The following FER1L5 variants were observed in gnomAD, a reference collection of about 807,000 sequenced individuals.
The protein encoded by FER1L5 is fer-1-like protein 5.
In FER1L5, 187 loss-of-function variants were observed where a neutral mutation model predicts 279.9. The ratio of observed to expected loss-of-function variants is 0.67; its 90% CI spans 0.59 to 0.75. The LOEUF is 0.75. FER1L5 is among the 30% of genes least tolerant of loss of function. FER1L5 has a pLI of 0.00. For synonymous variants in FER1L5, 921 were observed against 989.7 expected (o/e 0.93, Z 1.30); for missense variants, 2,091 against 2,594.4 (o/e 0.81, Z 4.21).
rs189118429 is a variant in FER1L5, at chr2:96,692,518, G to A, written c.3292+337G>A. ...CTGTGGAATTAGAAGTGGGAGCTGA[G>A]AGGGCTCCATCCCAGTGGTGGCCAC... On this transcript the variant is annotated intron_variant, in intron 31 of 52. Transcript: ENST00000624922. 2.6e-3 allele frequency among the ~76,000 whole-genome samples: 394 copies of A among 152,374 alleles called. 1 individual carries two copies. Among genetic ancestry groups the A allele is most frequent in the Non-Finnish European group, 3.4e-3 (234 of 68,044 alleles).
chr2:96,642,959 C>T, intron 1 of FER1L5, 38 bp downstream of exon 1: 3 of 1,517,822 alleles, frequency 2.0e-6, no homozygotes, highest in South Asian at 1.2e-5. Context: ...AGAGAGAAGC[C>T]CCCAGAGGCA....
chr2:96,676,490 T>G (rs2076514480), intron 19 of FER1L5, among the ~76,000 whole-genome samples: 1 of 152,116 alleles, frequency 6.6e-6, no homozygotes, highest in Non-Finnish European at 1.5e-5. Flanking sequence ...ACAAAATAAT[T>G]TTGGCTATTG....
intron 6 of FER1L5, among the ~76,000 whole-genome samples, chr2:96,651,538 G>A (rs1286608633): frequency 7.5e-6 from 1 of 133,914 alleles, no homozygotes; most frequent in Non-Finnish European, 1.5e-5. Context: ...GTCTTGCTCT[G>A]TTGCCCAGGC....
chr2:96,699,130 T>C lies in FER1L5; in HGVS notation c.4604T>C (p.Phe1535Ser), dbSNP rs926823594. ...CAGCCCAACACTCTGGATCCCATCT[T>C]TGGCATGTGAGCTGCCCCAACCCCC... ...MYQPNTLDPI[F>S]GMMFELTCNI... Residue 1535 changes from phenylalanine (F) to serine (S), a missense_variant, in exon 42 of 53, where the codon TTT becomes TCT. Phe to Ser is a radical substitution (Grantham distance 155, BLOSUM62 -2). Transcript: ENST00000624922. 3 of 1,608,356 alleles carry C rather than the reference T, an allele frequency of 1.9e-6. No homozygotes were observed. Among genetic ancestry groups the C allele is most frequent in the African/African-American group, 1.3e-5 (1 of 74,900 alleles).
In FER1L5 at chr2:96,644,127, G is replaced by GT. The variant is rs564548229; in HGVS notation, c.85+1207dup. On this transcript the variant is annotated intron_variant, in intron 1 of 52. Coordinates refer to ENST00000624922, the MANE Select transcript of FER1L5 (RefSeq NM_001293083.2). ...GCGGAGGTTGCAGTGAGCGGAGATCGTACCACAGCACTCCAGTCTGGTCAA... is the reference window on the plus strand; with the variant it reads ...GCGGAGGTTGCAGTGAGCGGAGATCGTTACCACAGCACTCCAGTCTGGTCAA... 1.2e-3 allele frequency among the ~76,000 whole-genome samples: 182 copies of GT among 145,694 alleles called. 1 individual carries two copies. Among genetic ancestry groups the GT allele is most frequent in the Non-Finnish European group, 2.3e-3 (154 of 67,010 alleles).
chr2:96,652,132 A>G, intron 7 of FER1L5, 112 bp downstream of exon 7: 1 of 1,432,390 alleles, frequency 7.0e-7, no homozygotes, highest in Non-Finnish European at 9.5e-7. Context: ...TTTGTTCCAC[A>G]AGCATTTACT....
At chr2:96,661,890 C>CTACT in intron 12 of FER1L5, 99 bp downstream of exon 12, 1 of 1,483,134 alleles carries the variant, frequency 6.7e-7, no homozygotes, top group Non-Finnish European at 9.1e-7. Flanking sequence ...TGGCACTAAA[C>CTACT]TACTGTTTGG....
intron 43 of FER1L5, 38 bp downstream of exon 43, chr2:96,699,758 G>A (rs368522937): frequency 1.1e-4 from 181 of 1,609,458 alleles, no homozygotes; most frequent in Non-Finnish European, 1.4e-5. Flanking sequence ...GAGTCAGGTG[G>A]GGTGGAAGAG....
At position 96,685,453 on chromosome 2, in the gene FER1L5, T is replaced by C. The variant is rs751804928; in HGVS notation, c.1895+24T>C. On this transcript the variant is annotated intron_variant, in intron 21 of 52. Coordinates refer to ENST00000624922, the MANE Select transcript of FER1L5 (RefSeq NM_001293083.2). ...AAGTAGGAGTAGGGGCACTCCGGGATACAGCTGGCCTGGAGCTGAGCCAGA... is the reference window on the plus strand; with the variant it reads ...AAGTAGGAGTAGGGGCACTCCGGGACACAGCTGGCCTGGAGCTGAGCCAGA... 154 of 1,539,694 alleles carry C rather than the reference T, an allele frequency of 1.0e-4. 1 individual carries two copies. In the South Asian group the frequency reaches 1.5e-3, roughly 15 times the overall value.
At chr2:96,660,664 C>T (rs1317316706) in intron 10 of FER1L5, among the ~76,000 whole-genome samples, 1 of 152,204 alleles carries the variant, frequency 6.6e-6, no homozygotes, top group Non-Finnish European at 1.5e-5. Context: ...AAGCAATTCT[C>T]CTGCTTCAGC....
intron 20 of FER1L5, among the ~76,000 whole-genome samples, chr2:96,684,697 A>C (rs1035174767): frequency 2.6e-5 from 4 of 152,230 alleles, no homozygotes; most frequent in Non-Finnish European, 4.4e-5. Flanking sequence ...CAGTGCAACT[A>C]GGGCTATGAT....
intron 8 of FER1L5, 68 bp from the exon 9 acceptor site, chr2:96,654,378 C>T (rs1312829981): frequency 1.8e-5 from 7 of 398,296 alleles, no homozygotes; most frequent in Non-Finnish European, 2.7e-5. Context: ...CTTTGCTATA[C>T]CTCTTACAGG....
intron 19 of FER1L5, among the ~76,000 whole-genome samples, chr2:96,682,463 T>G (rs1375385198): frequency 6.6e-6 from 1 of 152,124 alleles, no homozygotes; most frequent in Middle Eastern, 3.2e-3. Context: ...CTATGAACAT[T>G]TTCTCCATGT....
Position 96,694,117 on chromosome 2 carries a change from C to T in FER1L5, c.3636+45C>T. On this transcript the variant is annotated intron_variant, in intron 33 of 52. Transcript: ENST00000624922. The surrounding 1 kb of genome is among the most constrained non-coding windows in gnomAD (Gnocchi z 4.6). ...GGCTGGGAAGTGTGGCACTCAGTGC[C>T]CCTCCCCGTCCCACCCCCAGCCAGC... The T allele has an allele frequency of 6.7e-7, 1 of 1,502,296 alleles. No individual in the cohort carries two copies. The allele number at this position is 1,502,296 out of a possible 1,614,324, so 93.1% of individuals were successfully genotyped here.
intron 17 of FER1L5, 96 bp from the exon 18 acceptor site, chr2:96,670,023 C>T: frequency 6.7e-7 from 1 of 1,497,618 alleles, no homozygotes; most frequent in Non-Finnish European, 9.0e-7. Flanking sequence ...CAGGCAGTGA[C>T]TGGACAACCT....
intron 3 of FER1L5, 54 bp from the exon 4 acceptor site, chr2:96,647,724 G>A (rs1230106554): frequency 5.3e-6 from 7 of 1,314,056 alleles, no homozygotes; most frequent in Non-Finnish European, 7.5e-6. Context: ...CGGGAGAGAA[G>A]AGGACACTCT....
In FER1L5 at chr2:96,694,236, T is replaced by C; in HGVS notation, c.3637-124T>C. 7.7e-7 allele frequency: 1 copy of C among 1,298,746 alleles called. No homozygotes were observed. 80.5% of individuals were successfully genotyped at this position (1,298,746 alleles called of 1,614,324 possible). On this transcript the variant is annotated intron_variant, in intron 33 of 52. Transcript: ENST00000624922. The surrounding 1 kb of genome is among the most constrained non-coding windows in gnomAD (Gnocchi z 4.6). ...TGGCCTGACCAGCCTCTCCCCTAAG[T>C]CCCCCTGCCAGCCCCTACCCATGGG...
At position 96,649,662 on chromosome 2, in the gene FER1L5, G is replaced by T. The variant is rs1437422684; in HGVS notation, c.379G>T (p.Asp127Tyr). Residue 127 changes from aspartate (D) to tyrosine (Y), a missense_variant, in exon 5 of 53, where the codon GAT becomes TAT. Coordinates refer to ENST00000624922, the MANE Select transcript of FER1L5 (RefSeq NM_001293083.2). ...TLQVAHMSNQ[D>Y]IEKTGAEDHL... is the part of the protein sequence containing the mutation. ...ACAGGTGGCCCACATGAGCAACCAG[G>T]ATATTGAGAAGACAGGTATGTCCTT... The T allele has an allele frequency of 1.4e-5, 22 of 1,551,450 alleles. No individual in the cohort carries two copies. In the Admixed American group the frequency reaches 4.3e-4, roughly 30 times the overall value.
chr2:96,673,035 TTATGTACTGGG>T, intron 18 of FER1L5, 31 bp from the exon 19 acceptor site: 1 of 1,539,884 alleles, frequency 6.5e-7, no homozygotes, highest in Non-Finnish European at 8.8e-7. Context: ...AACCCTTGGC[TTATGTACTGGG>T]TATGGGGGGT....
Sources: allele counts gnomAD v4.1 joint callset (sites outside exome capture counted in the v4.1 genomes callset), GRCh38; gene constraint gnomAD v4.1.1; non-coding constraint Gnocchi (gnomAD v3.1); transcripts MANE v1.5; gene names NCBI Gene and HGNC (gene_info 2026-07-23, HGNC 2026-07-21).